SVIL: variants seen among roughly 807,000 people sequenced by gnomAD.
The protein encoded by SVIL is archvillin.
Under a neutral mutation model 240.4 loss-of-function variants are expected in SVIL, and 101 were observed. The observed-to-expected ratio is 0.42, with a 90% CI of 0.36 to 0.50. The LOEUF is 0.50. SVIL is among the 20% of genes least tolerant of loss of function. The pLI, the probability that SVIL is intolerant of heterozygous loss-of-function variation, is 0.01. For synonymous variants in SVIL, 999 were observed against 1,100.0 expected (o/e 0.91, Z 1.82); for missense variants, 2,512 against 2,818.7 (o/e 0.89, Z 2.46).
At chr10:29,622,730 G>A (rs747516224) in intron 1 of SVIL, among the ~76,000 whole-genome samples, 2 of 152,136 alleles carry the variant, frequency 1.3e-5, no homozygotes, top group Middle Eastern at 3.2e-3. Flanking sequence ...AAACACAAAC[G>A]TAGGAAAGAA....
intron 1 of SVIL, among the ~76,000 whole-genome samples, chr10:29,622,147 G>A (rs1411200874): frequency 6.7e-6 from 1 of 150,142 alleles, no homozygotes; most frequent in Non-Finnish European, 1.5e-5. Flanking sequence ...CTACTCGGGA[G>A]GCTGAGGCAG....
At chr10:29,532,474 T>C in intron 8 of SVIL, 55 bp downstream of exon 8, 1 of 1,552,752 alleles carries the variant, frequency 6.4e-7, no homozygotes, top group Non-Finnish European at 8.7e-7. Flanking sequence ...GAGTGAATCA[T>C]TCTGCCAGGG....
rs535019395 is a variant in SVIL, at chr10:29,508,549, G to A, written c.3516+4186C>T. 369 of 437,550 alleles carry A rather than the reference G, an allele frequency of 8.4e-4. 1 individual carries two copies. The highest frequency in any genetic ancestry group is 1.4e-3 in the Non-Finnish European group (321 of 232,808). 27.1% of individuals were successfully genotyped at this position (437,550 alleles called of 1,614,324 possible). ...TGTGAACCTCAGGCCAACTCATTCCGTGACCGCAGAATGATCATCTGGAGT... is the reference window on the plus strand; with the variant it reads ...TGTGAACCTCAGGCCAACTCATTCCATGACCGCAGAATGATCATCTGGAGT... On this transcript the variant is annotated intron_variant, in intron 17 of 37. Transcript: ENST00000355867.
intron 1 of SVIL, among the ~76,000 whole-genome samples, chr10:29,580,938 AAACC>A (rs1955918551): frequency 6.6e-6 from 1 of 152,202 alleles, no homozygotes; most frequent in Admixed American, 6.5e-5. Flanking sequence ...GTGAGCCATC[AAACC>A]AACCATGAGC....
chr10:29,712,326 GC>G (rs557802196), intron 1 of SVIL, among the ~76,000 whole-genome samples: 53 of 152,318 alleles, frequency 3.5e-4, no homozygotes, highest in African/African-American at 1.3e-3. Flanking sequence ...TTTCTGGGGG[GC>G]GGGGAGGCAG....
At chr10:29,590,454 G>A (rs1956348835) in intron 1 of SVIL, among the ~76,000 whole-genome samples, 1 of 152,100 alleles carries the variant, frequency 6.6e-6, no homozygotes, top group African/African-American at 2.4e-5. Context: ...GGTGCCAACC[G>A]CATGGACAGA....
At chr10:29,722,966 T>A (rs369668871) in intron 1 of SVIL, among the ~76,000 whole-genome samples, 1 of 152,256 alleles carries the variant, frequency 6.6e-6, no homozygotes, top group Non-Finnish European at 1.5e-5. Flanking sequence ...TTGATGTTGC[T>A]CATCTGTGAA....
chr10:29,505,194 C>T (rs140167503), intron 17 of SVIL, among the ~76,000 whole-genome samples: 8 of 151,956 alleles, frequency 5.3e-5, no homozygotes, highest in Non-Finnish European at 8.8e-5. Flanking sequence ...GGTGTGGTGG[C>T]GGGCGCCTGC....
chr10:29,519,275 G>T (rs567307612), intron 16 of SVIL, among the ~76,000 whole-genome samples: 7 of 152,112 alleles, frequency 4.6e-5, no homozygotes, highest in Non-Finnish European at 1.0e-4. Flanking sequence ...TAATCTGAGC[G>T]CACCGCGGTC....
intron 2 of SVIL, among the ~76,000 whole-genome samples, chr10:29,659,791 C>T (rs1959103380): frequency 6.6e-6 from 1 of 152,134 alleles, no homozygotes; most frequent in African/African-American, 2.4e-5. Flanking sequence ...TTTAAGCAGA[C>T]CGTTTTTTGT....
intron 27 of SVIL, chr10:29,483,260 A>T (rs1947076325): frequency 6.6e-6 from 1 of 152,212 alleles, no homozygotes; most frequent in Admixed American, 6.5e-5. Flanking sequence ...GCGATGTGGC[A>T]GATTGCAGGG....
chr10:29,633,967 G>C (rs1958211637), intron 1 of SVIL, among the ~76,000 whole-genome samples: 1 of 152,060 alleles, frequency 6.6e-6, no homozygotes, highest in Non-Finnish European at 1.5e-5. Flanking sequence ...TTATGCAAAA[G>C]GATCACTGGT....
intron 2 of SVIL, among the ~76,000 whole-genome samples, chr10:29,660,776 T>G (rs1051804169): frequency 6.6e-6 from 1 of 152,228 alleles, no homozygotes; most frequent in Non-Finnish European, 1.5e-5. Flanking sequence ...AAACTCATAG[T>G]GTGCACAGCA....
chr10:29,714,846 G>C (rs1963518121), intron 1 of SVIL, among the ~76,000 whole-genome samples: 1 of 151,156 alleles, frequency 6.6e-6, no homozygotes, highest in Non-Finnish European at 1.5e-5. Flanking sequence ...TGTGGTCCCA[G>C]CTACTCAGGA....
chr10:29,731,112 C>A (rs1000025214), intron 1 of SVIL, among the ~76,000 whole-genome samples: 1 of 152,216 alleles, frequency 6.6e-6, no homozygotes, highest in Non-Finnish European at 1.5e-5. Flanking sequence ...TTTATTTGAG[C>A]TGACATGATT....
rs113083536 is a variant in SVIL at position 29,533,248 on chromosome 10, G to A, written c.1119C>T (p.Thr373=). ...PIRGYVQPAD[T]GHTAKLVTPE... ...GCGTCACTAGCTTGGCGGTGTGACC[G>A]GTATCTGCGGGTTGGACATAGCCAC... The change falls in exon 8 of 38, where the codon ACC becomes ACT. Residue 373 remains threonine (T), a synonymous_variant. Coordinates refer to ENST00000355867, the MANE Select transcript of SVIL (RefSeq NM_021738.3). 2,392 of 1,614,094 alleles carry A rather than the reference G, an allele frequency of 1.5e-3. 40 individuals carry two copies. The African/African-American group carries it at 0.028, about 19-fold the overall frequency.
At chr10:29,648,678 TGGCCAAGAAA>T (rs1397898126) in intron 3 of SVIL, among the ~76,000 whole-genome samples, 1 of 152,196 alleles carries the variant, frequency 6.6e-6, no homozygotes, top group Non-Finnish European at 1.5e-5. Flanking sequence ...CACGGCCCTG[TGGCCAAGAAA>T]GCCCTGCAGC....
chr10:29,626,373 C>T (rs1957869953), intron 1 of SVIL, among the ~76,000 whole-genome samples: 1 of 152,002 alleles, frequency 6.6e-6, no homozygotes, highest in African/African-American at 2.4e-5. Context: ...GCTACGAGGG[C>T]AGGAATTTTG....
chr10:29,474,108 G>A (rs1945899394), intron 29 of SVIL, 119 bp from the exon 30 acceptor site: 1 of 1,379,916 alleles, frequency 7.2e-7, no homozygotes, highest in Non-Finnish European at 9.6e-7. Flanking sequence ...TCGGACCTAG[G>A]GCAGGGGAGA....
Sources: allele counts gnomAD v4.1 joint callset (sites outside exome capture counted in the v4.1 genomes callset), GRCh38; gene constraint gnomAD v4.1.1; transcripts MANE v1.5; gene names NCBI Gene and HGNC (gene_info 2026-07-23, HGNC 2026-07-21).